Variants in MLH3 observed in about 807,000 individuals in gnomAD.
The protein encoded by MLH3 is DNA mismatch repair protein Mlh3.
A neutral mutation model predicts 122.2 loss-of-function variants in MLH3; 82 were observed. The observed-to-expected ratio is 0.67, with a 90% CI of 0.56 to 0.81. MLH3 has a LOEUF of 0.81. Ranked by LOEUF, MLH3 falls within the 30% of genes least tolerant of loss-of-function variation. MLH3 has a pLI of 0.00. For missense variants in MLH3, 1,539 were observed against 1,714.5 expected, an observed-to-expected ratio of 0.90 and a Z score of 1.81; for synonymous variants, 524 against 599.5, an observed-to-expected ratio of 0.87 and a Z score of 1.84.
At chr14:75,044,658 A>C (rs1892091498) in intron 2 of MLH3, among the ~76,000 whole-genome samples, 1 of 152,258 alleles carries the variant, frequency 6.6e-6, no homozygotes, top group Non-Finnish European at 1.5e-5. Flanking sequence ...AATACTATGA[A>C]ATACTACTGA....
intron 2 of MLH3, among the ~76,000 whole-genome samples, chr14:75,043,088 C>A (rs773422834): frequency 3.9e-5 from 6 of 152,094 alleles, no homozygotes; most frequent in Non-Finnish European, 8.8e-5. Flanking sequence ...AGACACTTTT[C>A]ATTGTCACAA....
intron 2 of MLH3, among the ~76,000 whole-genome samples, chr14:75,046,144 C>T (rs571415669): frequency 9.9e-4 from 146 of 147,246 alleles, no homozygotes; most frequent in Middle Eastern, 3.5e-3. Flanking sequence ...CGCACCACTG[C>T]ACTCCAGCCT....
At position 75,016,581 on chromosome 14, in the gene MLH3, CA is replaced by C. The variant is rs1390529371; in HGVS notation, c.*500del. ...AACTCTTTAAGTCTGAGATGTAGCA[CA>C]TGAAGCAGCAGCATAGGGAAGTGAA... On this transcript the variant is annotated 3_prime_UTR_variant, in exon 13 of 13. Transcript: ENST00000355774. 9.4e-6 allele frequency: 2 copies of C among 211,856 alleles called. No homozygotes were observed. The highest frequency in any genetic ancestry group is 5.2e-5 in the Admixed American group (1 of 19,306). The allele number at this position is 211,856 out of a possible 1,614,324, so 13.1% of individuals were successfully genotyped here. A position where few individuals can be genotyped will look rare whatever the true frequency, so the allele number is the denominator to read the frequency against.
At position 75,015,075 on chromosome 14, in the gene MLH3, T is replaced by C. The variant is rs1011974298; in HGVS notation, c.*2007A>G. 5.7e-6 allele frequency: 1 copy of C among 176,440 alleles called. No individual in the cohort carries two copies. The highest frequency in any genetic ancestry group is 1.2e-5 in the Non-Finnish European group (1 of 81,838). 10.9% of individuals were successfully genotyped at this position (176,440 alleles called of 1,614,324 possible). On this transcript the variant is annotated 3_prime_UTR_variant, in exon 13 of 13. Coordinates refer to ENST00000355774, the MANE Select transcript of MLH3 (RefSeq NM_001040108.2). ...TAAGATAAAGTATGAGAAAAATTAT[T>C]TTGTAAACCTTAAAGCACAATATAG...
At position 75,018,801 on chromosome 14, in the gene MLH3, C is replaced by G. The variant is rs188956387; in HGVS notation, c.4242+28G>C. On this transcript the variant is annotated intron_variant, in intron 12 of 12. Transcript: ENST00000355774. ...AGAAAGAGAAAATAAACTTTGCTCC[C>G]TCCTGCTCCTGTTAGTCATTAATGT... is the stretch of plus-strand genomic sequence containing the variant. 2,034 of 1,612,678 alleles carry G rather than the reference C, an allele frequency of 1.3e-3. 6 individuals are homozygous for G. Among genetic ancestry groups the G allele is most frequent in the Non-Finnish European group, 1.3e-3 (1,529 of 1,178,692 alleles).
chr14:75,035,062 C>CAAAAA (rs36096670), intron 6 of MLH3, among the ~76,000 whole-genome samples: 16 of 40,086 alleles, frequency 4.0e-4, no homozygotes, highest in Middle Eastern at 0.033. Context: ...GACTCCATCT[C>CAAAAA]AAAAAAAAAA....
At chr14:75,019,136 G>A (rs1890098649) in intron 11 of MLH3, 156 bp from the exon 12 acceptor site, 3 of 705,194 alleles carry the variant, frequency 4.3e-6, no homozygotes, top group Non-Finnish European at 7.2e-6. Flanking sequence ...TATAGGCCGG[G>A]CATGGTGTCT....
Position 75,048,107 on chromosome 14 carries a change from G to C in MLH3, c.1549C>G (p.His517Asp). Reference sequence around the variant, plus strand: ...AGATCCTGCCCACTCTCCTCAAAGTGACATGGTGTCTGAAAAGGGCTTAAA... The same window carrying C: ...AGATCCTGCCCACTCTCCTCAAAGTCACATGGTGTCTGAAAAGGGCTTAAA... ...MFLSPFQTPC[H>D]FEESGQDLEI... Residue 517 changes from histidine to aspartate, a missense_variant, in exon 2 of 13, where the codon CAC (histidine) becomes GAC (aspartate). His to Asp is a moderately conservative substitution (Grantham distance 81). Coordinates refer to ENST00000355774, the MANE Select transcript of MLH3 (RefSeq NM_001040108.2). The C allele has an allele frequency of 1.9e-6, 3 of 1,614,184 alleles. No homozygotes were observed. Among genetic ancestry groups the C allele is most frequent in the Non-Finnish European group, 2.5e-6 (3 of 1,180,032 alleles).
At chr14:75,039,883 T>G in intron 5 of MLH3, 28 bp downstream of exon 5, 1 of 519,980 alleles carries the variant, frequency 1.9e-6, no homozygotes, top group Admixed American at 2.8e-5. Flanking sequence ...ATATATATAT[T>G]TATGAGATTT....
At chr14:75,050,009 G>A (rs1004260456) in intron 1 of MLH3, among the ~76,000 whole-genome samples, 3 of 152,118 alleles carry the variant, frequency 2.0e-5, no homozygotes, top group Non-Finnish European at 4.4e-5. Context: ...CACAGTATTC[G>A]AAATTCTAAC....
chr14:75,042,592 A>G, intron 2 of MLH3, 115 bp from the exon 3 acceptor site: 1 of 726,318 alleles, frequency 1.4e-6, no homozygotes, highest in Non-Finnish European at 2.4e-6. Flanking sequence ...CATAAAGCAG[A>G]CTACTAAACA....
At chr14:75,026,943 A>C (rs748802463) in intron 9 of MLH3, among the ~76,000 whole-genome samples, 1 of 152,002 alleles carries the variant, frequency 6.6e-6, no homozygotes, top group African/African-American at 2.4e-5. Flanking sequence ...TGCTAAAGAT[A>C]CAAAAATTAG....
chr14:75,044,054 A>G (rs988934457), intron 2 of MLH3, among the ~76,000 whole-genome samples: 1 of 151,760 alleles, frequency 6.6e-6, no homozygotes, highest in African/African-American at 2.4e-5. Flanking sequence ...GCACCATTTC[A>G]CTTTAGCCTG....
chr14:75,034,406 G>A (rs973184273), intron 6 of MLH3, among the ~76,000 whole-genome samples: 3 of 152,176 alleles, frequency 2.0e-5, no homozygotes, highest in East Asian at 1.9e-4. Flanking sequence ...ATCACAAGCC[G>A]GAGAACGTTT....
intron 8 of MLH3, among the ~76,000 whole-genome samples, chr14:75,031,240 G>A (rs1431055168): frequency 6.6e-6 from 1 of 152,174 alleles, no homozygotes; most frequent in Non-Finnish European, 1.5e-5. Context: ...GTGCTGCCTA[G>A]AAGAGGAAAA....
rs773800104 is a variant in MLH3, at chr14:75,047,621, T to C, written c.2035A>G (p.Ile679Val). 2 of 1,613,962 alleles carry C rather than the reference T, an allele frequency of 1.2e-6. No individual in the cohort carries two copies. The highest frequency in any genetic ancestry group is 2.2e-5 in the East Asian group (1 of 44,890). Residue 679 changes from isoleucine to valine, a missense_variant, in exon 2 of 13, where the codon ATA becomes GTA. Coordinates refer to ENST00000355774, the MANE Select transcript of MLH3 (RefSeq NM_001040108.2). The part of the protein sequence containing the change: ...LPNKKNCRTN[I>V]SYGLENEPTA... The stretch of plus-strand genomic sequence containing the variant: ...GGTTCATTCTCTAGCCCATAACTTA[T>C]ATTCGTTCTGCAATTTTTTTTGTTG...
Position 75,046,540 on chromosome 14 carries a change from G to A in MLH3, c.3116C>T (p.Thr1039Met), listed in dbSNP as rs775868843. The change falls in exon 2 of 13, where the codon ACG becomes ATG. Residue 1039 changes from threonine (T) to methionine (M), a missense_variant. Coordinates refer to ENST00000355774, the MANE Select transcript of MLH3 (RefSeq NM_001040108.2). ...RACSETEESN[T>M]CCSDWQRHFD... is the part of the protein sequence containing the mutation. ...ATGCCGCTGCCAATCTGAACAACAC[G>A]TGTTTGACTCTTCAGTTTCAGAACA... The A allele has an allele frequency of 1.5e-5, 24 of 1,614,080 alleles. No homozygotes were observed. The highest frequency in any genetic ancestry group is 2.7e-5 in the African/African-American group (2 of 74,928).
intron 9 of MLH3, among the ~76,000 whole-genome samples, chr14:75,030,308 C>A (rs922171229): frequency 9.2e-5 from 14 of 152,162 alleles, no homozygotes; most frequent in African/African-American, 3.4e-4. Flanking sequence ...ACCTTTATCA[C>A]TGGGAAGAAA....
chr14:75,022,847 C>G lies in MLH3; in HGVS notation c.4057G>C (p.Val1353Leu). Residue 1353 changes from valine (V) to leucine (L), a missense_variant, in exon 11 of 13, where the codon GTC (valine) becomes CTC (leucine). Physicochemically the swap from Val to Leu is conservative, Grantham distance 32 (BLOSUM62 1). Transcript: ENST00000355774. ...GCTTGGGATGCCAACACCTTCTGGA[C>G]AGTCAGTGGCAATGTCCCTTGGATG... is the stretch of plus-strand genomic sequence containing the variant. ...GGIQGTLPLT[V>L]QKVLASQACH... 1 of 1,614,122 alleles carries G rather than the reference C, an allele frequency of 6.2e-7. No individual in the cohort carries two copies. The highest frequency in any genetic ancestry group is 8.5e-7 in the Non-Finnish European group (1 of 1,180,014).
Sources: gnomAD v4.1 joint callset for allele counts (sites outside exome capture counted in the v4.1 genomes callset) on GRCh38, gnomAD v4.1.1 for gene constraint, MANE v1.5 for transcripts, NCBI Gene and HGNC (gene_info 2026-07-23, HGNC 2026-07-21) for gene names.